PPP2R2C: variants seen among roughly 807,000 people sequenced by gnomAD.
The protein encoded by PPP2R2C is protein phosphatase 2 regulatory subunit Bgamma.
In PPP2R2C, 10 loss-of-function variants were observed where a neutral mutation model predicts 45.3. The observed-to-expected ratio is 0.22, with a 90% CI of 0.14 to 0.37. The LOEUF is 0.37. Ranked by LOEUF, PPP2R2C falls within the 10% of genes least tolerant of loss-of-function variation. The pLI is 1.00. For missense variants in PPP2R2C, 308 were observed against 619.7 expected, an observed-to-expected ratio of 0.50 and a Z score of 5.34; for synonymous variants, 257 against 245.4, an observed-to-expected ratio of 1.05 and a Z score of -0.44.
chr4:6,461,749 G>T (rs567263518), intron 1 of PPP2R2C, among the ~76,000 whole-genome samples: 1 of 152,346 alleles, frequency 6.6e-6, no homozygotes, highest in Admixed American at 6.5e-5. Context: ...TCAGCATCCA[G>T]ACTTCCCAAG....
chr4:6,539,187 A>G (rs185236450), intron 1 of PPP2R2C, among the ~76,000 whole-genome samples: 14 of 152,114 alleles, frequency 9.2e-5, no homozygotes, highest in African/African-American at 2.6e-4. Flanking sequence ...ACAGACACAC[A>G]CACATAGGGA....
At chr4:6,458,080 C>T (rs1721135534) in intron 1 of PPP2R2C, among the ~76,000 whole-genome samples, 1 of 152,220 alleles carries the variant, frequency 6.6e-6, no homozygotes, top group Admixed American at 6.5e-5. Context: ...GTAGCTTCAG[C>T]TTCCCAAGAT....
At chr4:6,391,344 G>A (rs1716623001) in intron 1 of PPP2R2C, among the ~76,000 whole-genome samples, 1 of 151,430 alleles carries the variant, frequency 6.6e-6, no homozygotes, top group African/African-American at 2.4e-5. Flanking sequence ...AAGCAGATGA[G>A]GGAGGAGGCT....
At chr4:6,408,873 C>CTTTTTTTT in intron 1 of PPP2R2C, among the ~76,000 whole-genome samples, 1 of 126,758 alleles carries the variant, frequency 7.9e-6, no homozygotes, top group Non-Finnish European at 1.7e-5. Flanking sequence ...GATCCTGTGG[C>CTTTTTTTT]TTTTTTTTTT....
chr4:6,472,490 C>G lies in PPP2R2C; in HGVS notation c.-261G>C, dbSNP rs1171806787. On this transcript the variant is annotated 5_prime_UTR_variant, in exon 1 of 9. Coordinates refer to ENST00000382599, the MANE Select transcript of PPP2R2C (RefSeq NM_020416.4). ...GCCCAGGCGCGCATCCCGGCCGGCCCGTGCGCGCTGCGTCCGTGCGCCCGG... is the reference window on the plus strand; with the variant it reads ...GCCCAGGCGCGCATCCCGGCCGGCCGGTGCGCGCTGCGTCCGTGCGCCCGG... 56 of 198,144 alleles carry G rather than the reference C, an allele frequency of 2.8e-4. 1 individual carries two copies. In the South Asian group the frequency reaches 8.9e-3, roughly 32 times the overall value. 12.3% of individuals were successfully genotyped at this position (198,144 alleles called of 1,614,324 possible). A position where few individuals can be genotyped will look rare whatever the true frequency, so the allele number is the denominator to read the frequency against.
intron 1 of PPP2R2C, chr4:6,382,947 G>A (rs6849568): frequency 0.3 from 325,633 of 1,077,186 alleles, 52,670 homozygotes; most frequent in African/African-American, 0.61. Flanking sequence ...GTGTTCTAAA[G>A]GCAGCCCCCA....
intron 5 of PPP2R2C, among the ~76,000 whole-genome samples, chr4:6,352,479 T>C (rs955514566): frequency 6.6e-6 from 1 of 152,212 alleles, no homozygotes; most frequent in Non-Finnish European, 1.5e-5. Context: ...AAGAGTCCCC[T>C]TTCCCCTGGC....
chr4:6,536,538 G>A (rs898047736), intron 1 of PPP2R2C, among the ~76,000 whole-genome samples: 3 of 152,218 alleles, frequency 2.0e-5, no homozygotes, highest in Admixed American at 6.5e-5. Context: ...AACCAGAAAC[G>A]TAGCACTTTT....
intron 1 of PPP2R2C, among the ~76,000 whole-genome samples, chr4:6,436,412 C>T (rs1719897996): frequency 6.6e-6 from 1 of 152,238 alleles, no homozygotes; most frequent in Non-Finnish European, 1.5e-5. Flanking sequence ...AGACATCCTG[C>T]ACCCATTTTT....
intron 2 of PPP2R2C, among the ~76,000 whole-genome samples, chr4:6,512,320 G>T: frequency 8.1e-6 from 1 of 123,336 alleles, no homozygotes; most frequent in African/African-American, 3.0e-5. Context: ...GGTGATTATG[G>T]TGGTAGTGGT....
intron 2 of PPP2R2C, among the ~76,000 whole-genome samples, chr4:6,520,731 G>A (rs1379865201): frequency 1.3e-5 from 2 of 152,222 alleles, no homozygotes; most frequent in African/African-American, 4.8e-5. Context: ...TTGGAGCCTG[G>A]GAGCTGTGGT....
intron 5 of PPP2R2C, among the ~76,000 whole-genome samples, chr4:6,362,462 G>A (rs889943351): frequency 6.6e-6 from 1 of 152,194 alleles, no homozygotes; most frequent in African/African-American, 2.4e-5. Flanking sequence ...CGTGAGGACT[G>A]CCATACAGCT....
At chr4:6,349,588 C>T in intron 5 of PPP2R2C, 1 of 985,402 alleles carries the variant, frequency 1.0e-6, no homozygotes, top group Non-Finnish European at 1.2e-6. Flanking sequence ...TATTTGTAAT[C>T]CCAGCACTTT....
chr4:6,551,572 C>A (rs551158735), intron 1 of PPP2R2C, among the ~76,000 whole-genome samples: 2 of 152,326 alleles, frequency 1.3e-5, no homozygotes, highest in South Asian at 4.1e-4. Context: ...TCTGGGACAC[C>A]AAAAGCTGGG....
chr4:6,405,560 A>G (rs879842461), intron 1 of PPP2R2C, among the ~76,000 whole-genome samples: 1 of 152,204 alleles, frequency 6.6e-6, no homozygotes, highest in African/African-American at 2.4e-5. Flanking sequence ...GCAGTCACAC[A>G]GCACTTTCAT....
rs996486956 is a variant in PPP2R2C, at chr4:6,381,473, C to G, written c.71-379G>C. On this transcript the variant is annotated intron_variant, in intron 1 of 8. Coordinates refer to ENST00000382599, the MANE Select transcript of PPP2R2C (RefSeq NM_020416.4). ...CACACCTACCCCTGCCACCCAGGCC[C>G]CCATGCTCCAGCAACCTGGGTCAGG... 1.2e-5 allele frequency: 17 copies of G among 1,370,624 alleles called. No homozygotes were observed. The Admixed American group carries it at 5.0e-4, about 40-fold the overall frequency. The allele number at this position is 1,370,624 out of a possible 1,614,324, so 84.9% of individuals were successfully genotyped here. A position where few individuals can be genotyped will look rare whatever the true frequency, so the allele number is the denominator to read the frequency against.
intron 5 of PPP2R2C, among the ~76,000 whole-genome samples, chr4:6,371,684 T>C (rs996665549): frequency 1.3e-5 from 2 of 152,220 alleles, no homozygotes; most frequent in Admixed American, 6.5e-5. Flanking sequence ...TTGAGTGCTC[T>C]GTGACTCAGT....
intron 1 of PPP2R2C, among the ~76,000 whole-genome samples, chr4:6,550,820 T>C (rs979075525): frequency 6.6e-6 from 1 of 152,188 alleles, no homozygotes; most frequent in African/African-American, 2.4e-5. Context: ...TAATTTTCTT[T>C]AATATTTTAT....
intron 8 of PPP2R2C, among the ~76,000 whole-genome samples, chr4:6,325,794 G>A (rs975220345): frequency 2.6e-5 from 4 of 152,200 alleles, no homozygotes; most frequent in Non-Finnish European, 5.9e-5. Context: ...CAGGGGAGCT[G>A]CTTCACCTCT....
Sources: allele counts gnomAD v4.1 joint callset (sites outside exome capture counted in the v4.1 genomes callset), GRCh38; gene constraint gnomAD v4.1.1; transcripts MANE v1.5; gene names NCBI Gene and HGNC (gene_info 2026-07-23, HGNC 2026-07-21).